The following ANO4 variants were observed in gnomAD, a reference collection of about 807,000 sequenced individuals.
ANO4 encodes the protein anoctamin-4.
ANO4 carries 69 observed loss-of-function variants against 141.9 expected under a neutral mutation model. The ratio of observed to expected loss-of-function variants is 0.49; its 90% CI spans 0.40 to 0.59. The LOEUF is 0.59. ANO4 is among the 20% of genes least tolerant of loss of function. ANO4 has a pLI of 0.00. For missense variants in ANO4, 894 were observed against 1,162.2 expected, an observed-to-expected ratio of 0.77 and a Z score of 3.36; for synonymous variants, 350 against 394.3, an observed-to-expected ratio of 0.89 and a Z score of 1.33.
intron 1 of ANO4, among the ~76,000 whole-genome samples, chr12:100,820,160 T>C (rs760054180): frequency 3.3e-5 from 5 of 151,746 alleles, no homozygotes; most frequent in Admixed American, 6.6e-5. Flanking sequence ...TCATCTAACA[T>C]TTCTAGATGT....
At chr12:101,085,228 G>A (rs1191509566) in intron 16 of ANO4, among the ~76,000 whole-genome samples, 1 of 152,136 alleles carries the variant, frequency 6.6e-6, no homozygotes, top group African/African-American at 2.4e-5. Flanking sequence ...AATTAAGTGG[G>A]TTAAGGTCTC....
At position 100,942,247 on chromosome 12, in the gene ANO4, G is replaced by T; in HGVS notation, c.298-130G>T. The T allele has an allele frequency of 4.0e-6, 4 of 1,010,782 alleles. No individual in the cohort carries two copies. The South Asian group carries it at 7.0e-5, about 18-fold the overall frequency. 62.6% of individuals were successfully genotyped at this position (1,010,782 alleles called of 1,614,324 possible). A position where few individuals can be genotyped will look rare whatever the true frequency, so the allele number is the denominator to read the frequency against. ...ACCCGCCTCGGCCTCCCAAAGTGCT[G>T]GGATTACAGGCATGAGCCACCGCAC... is the stretch of plus-strand genomic sequence containing the variant. On this transcript the variant is annotated intron_variant, in intron 4 of 27. Transcript: ENST00000392977.
At chr12:100,826,334 C>G (rs2036339234) in intron 1 of ANO4, among the ~76,000 whole-genome samples, 3 of 152,004 alleles carry the variant, frequency 2.0e-5, no homozygotes, top group African/African-American at 7.2e-5. Flanking sequence ...GAAAAAGATT[C>G]ACTAAGCTTA....
chr12:100,871,745 T>C (rs569983682), intron 1 of ANO4, among the ~76,000 whole-genome samples: 1 of 152,298 alleles, frequency 6.6e-6, no homozygotes, highest in East Asian at 1.9e-4. Flanking sequence ...CACTGCATTC[T>C]CACATGGTGC....
intron 5 of ANO4, 75 bp downstream of exon 5, chr12:100,942,610 G>A: frequency 6.1e-6 from 9 of 1,476,534 alleles, no homozygotes; most frequent in Non-Finnish European, 8.2e-6. Context: ...AAATAAGCAA[G>A]CAGTCTTAAT....
intron 14 of ANO4, among the ~76,000 whole-genome samples, chr12:101,070,588 C>T (rs946274534): frequency 2.6e-5 from 4 of 152,048 alleles, no homozygotes; most frequent in African/African-American, 9.7e-5. Flanking sequence ...GGGGAACTCT[C>T]CAAGACATGA....
At chr12:100,966,679 C>T (rs1030776398) in intron 5 of ANO4, among the ~76,000 whole-genome samples, 1 of 152,020 alleles carries the variant, frequency 6.6e-6, no homozygotes, top group African/African-American at 2.4e-5. Context: ...TACCTCTGTA[C>T]CCCCATCCCC....
chr12:100,756,790 T>G (rs1295493241), intron 3 of ANO4, among the ~76,000 whole-genome samples: 1 of 152,188 alleles, frequency 6.6e-6, no homozygotes, highest in Non-Finnish European at 1.5e-5. Flanking sequence ...TAATCCTTCT[T>G]CATGTCACTT....
intron 14 of ANO4, among the ~76,000 whole-genome samples, chr12:101,076,166 A>G (rs777520783): frequency 1.5e-4 from 23 of 152,206 alleles, no homozygotes; most frequent in Non-Finnish European, 2.4e-4. Context: ...TTGAAATCCT[A>G]TTCTTTAAGG....
rs996269651 is a variant in ANO4, at chr12:101,100,063, G to T, written c.2149+343G>T. On this transcript the variant is annotated intron_variant, in intron 22 of 27. Transcript: ENST00000392977. ...CTCAGTTTCCTCATCTCTAAAGTGGGAATAATAATAAGAGGAACCATTTCA... is the reference window on the plus strand; with the variant it reads ...CTCAGTTTCCTCATCTCTAAAGTGGTAATAATAATAAGAGGAACCATTTCA... Among the ~76,000 whole-genome samples, 3 of 152,222 alleles carry T rather than the reference G, an allele frequency of 2.0e-5. No homozygotes were observed. The East Asian group carries it at 5.8e-4, about 29-fold the overall frequency.
At chr12:101,030,341 T>G (rs763443437) in intron 9 of ANO4, among the ~76,000 whole-genome samples, 1 of 152,036 alleles carries the variant, frequency 6.6e-6, no homozygotes, top group Non-Finnish European at 1.5e-5. Flanking sequence ...AACCACACAA[T>G]TACATGGAAA....
intron 1 of ANO4, among the ~76,000 whole-genome samples, chr12:100,875,346 T>C (rs1373124571): frequency 1.3e-5 from 2 of 151,784 alleles, no homozygotes; most frequent in African/African-American, 4.8e-5. Flanking sequence ...AGAGAAAGGG[T>C]AGGTGATTTC....
At chr12:100,794,286 C>A (rs1217120440), upstream of ANO4, among the ~76,000 whole-genome samples, 2 of 152,176 alleles carry the variant, frequency 1.3e-5, no homozygotes, top group African/African-American at 4.8e-5. Flanking sequence ...GTAGGGCTGT[C>A]TGGACTGTGA....
intron 17 of ANO4, among the ~76,000 whole-genome samples, chr12:101,088,139 A>T (rs947092227): frequency 6.6e-6 from 1 of 151,846 alleles, no homozygotes; most frequent in African/African-American, 2.4e-5. Flanking sequence ...GACATCTCTG[A>T]CCTCATCTTT....
At chr12:100,993,823 A>G (rs907545648) in intron 8 of ANO4, among the ~76,000 whole-genome samples, 3 of 152,314 alleles carry the variant, frequency 2.0e-5, no homozygotes, top group African/African-American at 7.2e-5. Context: ...CTGTGTGCCC[A>G]GAAGAAAAAA....
At chr12:100,811,186 G>C (rs929524390) in intron 1 of ANO4, among the ~76,000 whole-genome samples, 5 of 152,020 alleles carry the variant, frequency 3.3e-5, no homozygotes, top group African/African-American at 1.2e-4. Flanking sequence ...ATAGATCTTG[G>C]GAATGTGGGG....
chr12:100,950,222 A>G (rs1009741952), intron 5 of ANO4, among the ~76,000 whole-genome samples: 3 of 152,172 alleles, frequency 2.0e-5, no homozygotes, highest in Non-Finnish European at 4.4e-5. Context: ...CTTTCTGGTC[A>G]GAAAAGAAAA....
At chr12:100,731,005 C>T (rs1270824729) in intron 1 of ANO4, among the ~76,000 whole-genome samples, 1 of 152,194 alleles carries the variant, frequency 6.6e-6, no homozygotes, top group African/African-American at 2.4e-5. Context: ...ACTCCTATTT[C>T]CTGGCTTCTC....
intron 25 of ANO4, among the ~76,000 whole-genome samples, chr12:101,120,288 A>T (rs967571166): frequency 6.6e-6 from 1 of 152,180 alleles, no homozygotes; most frequent in African/African-American, 2.4e-5. Context: ...TTTTGAGCTG[A>T]GATCAGGCAG....
Sources: allele counts gnomAD v4.1 joint callset (sites outside exome capture counted in the v4.1 genomes callset), GRCh38; gene constraint gnomAD v4.1.1; transcripts MANE v1.5; gene names NCBI Gene and HGNC (gene_info 2026-07-23, HGNC 2026-07-21).